MYO5A: variants seen among roughly 807,000 people sequenced by gnomAD.
The protein encoded by MYO5A is myosin VA, also known as unconventional myosin-Va.
Under a neutral mutation model 249.7 loss-of-function variants are expected in MYO5A, and 98 were observed. That is an observed-to-expected ratio of 0.39 (90% CI 0.33 to 0.46). MYO5A has a LOEUF of 0.46. Among genes scored for constraint, MYO5A ranks in the 20% least tolerant of loss-of-function variants. The pLI is 0.98. For missense variants in MYO5A, 1,696 were observed against 2,308.8 expected (o/e 0.73, Z 5.44); for synonymous variants, 778 against 810.6 (o/e 0.96, Z 0.68).
chr15:52,433,566 G>T (rs1166040890), intron 1 of MYO5A, among the ~76,000 whole-genome samples: 1 of 151,232 alleles, frequency 6.6e-6, no homozygotes, highest in African/African-American at 2.4e-5. Flanking sequence ...AATTACAGGC[G>T]CCTGCCACCA....
At chr15:52,326,562 G>A (rs1026280328) in intron 36 of MYO5A, among the ~76,000 whole-genome samples, 9 of 152,140 alleles carry the variant, frequency 5.9e-5, no homozygotes, top group African/African-American at 2.2e-4. Flanking sequence ...AGGGAGGAAT[G>A]GGGAGTTAGT....
At chr15:52,336,862 C>A (rs1596308915) in intron 33 of MYO5A, among the ~76,000 whole-genome samples, 1 of 152,262 alleles carries the variant, frequency 6.6e-6, no homozygotes, top group South Asian at 2.1e-4. Flanking sequence ...TATTGGTATT[C>A]CAGTAGAATG....
intron 3 of MYO5A, 132 bp from the exon 4 acceptor site, chr15:52,426,106 AT>A: frequency 2.4e-6 from 2 of 818,406 alleles, no homozygotes; most frequent in Non-Finnish European, 3.9e-6. Context: ...AAACCAATAA[AT>A]TGTTCAAGGA....
intron 29 of MYO5A, 23 bp from the exon 30 acceptor site, chr15:52,346,484 A>G: frequency 7.1e-7 from 1 of 1,410,798 alleles, no homozygotes; most frequent in Non-Finnish European, 1.0e-6. Flanking sequence ...TAACACATTT[A>G]CGCATTAAGA....
chr15:52,426,075 C>T (rs2075388343), intron 3 of MYO5A, 101 bp from the exon 4 acceptor site: 1 of 1,027,544 alleles, frequency 9.7e-7, no homozygotes, highest in Non-Finnish European at 1.5e-6. Context: ...CACAATCCTT[C>T]ATTTCAATTT....
At chr15:52,454,739 A>G (rs1436864870) in intron 1 of MYO5A, among the ~76,000 whole-genome samples, 1 of 152,156 alleles carries the variant, frequency 6.6e-6, no homozygotes, top group Non-Finnish European at 1.5e-5. Context: ...TCAATTTAAA[A>G]AATTAAGATG....
chr15:52,465,613 T>C (rs2076336935), intron 1 of MYO5A, among the ~76,000 whole-genome samples: 1 of 152,126 alleles, frequency 6.6e-6, no homozygotes, highest in Non-Finnish European at 1.5e-5. Context: ...GCTATGATCA[T>C]GCCACTGCAC....
In MYO5A at chr15:52,525,017, C is replaced by T. The variant is rs76775312; in HGVS notation, c.27+3763G>A. Among the ~76,000 whole-genome samples, 4 of 152,116 alleles carry T rather than the reference C, an allele frequency of 2.6e-5. No homozygotes were observed. The East Asian group carries it at 7.7e-4, about 29-fold the overall frequency. On this transcript the variant is annotated intron_variant, in intron 1 of 41. Transcript: ENST00000399233. ...ATTCATTATAATGTTCCCGATAATC[C>T]TTCTAGGTCTAATTGATAAACCCTA...
chr15:52,503,295 C>T (rs763325101), intron 1 of MYO5A, among the ~76,000 whole-genome samples: 2 of 152,032 alleles, frequency 1.3e-5, no homozygotes, highest in Middle Eastern at 3.4e-3. Context: ...TAACATTACC[C>T]GCAAAATATG....
chr15:52,402,592 C>A (rs772732786), intron 9 of MYO5A, among the ~76,000 whole-genome samples: 2 of 152,152 alleles, frequency 1.3e-5, no homozygotes, highest in Non-Finnish European at 2.9e-5. Context: ...TGCCTGTAAT[C>A]CCAGCACTTT....
chr15:52,404,068 G>C (rs1413514134), intron 9 of MYO5A, among the ~76,000 whole-genome samples: 2 of 151,956 alleles, frequency 1.3e-5, no homozygotes, highest in Non-Finnish European at 2.9e-5. Flanking sequence ...GAGTTCAAGA[G>C]CAGCCTGGCC....
chr15:52,372,284 A>T lies in MYO5A; in HGVS notation c.2657T>A (p.Met886Lys). 1 of 1,611,114 alleles carries T rather than the reference A, an allele frequency of 6.2e-7. No homozygotes were observed. The highest frequency in any genetic ancestry group is 2.2e-5 in the East Asian group (1 of 44,870). The change falls in exon 21 of 42, where the codon ATG becomes AAG. Residue 886 changes from methionine (M) to lysine (K), a missense_variant. Met to Lys is a moderately conservative substitution (Grantham distance 95, BLOSUM62 -1). Coordinates refer to ENST00000399233, the MANE Select transcript of MYO5A (RefSeq NM_001382347.1). ...GCACTGAAGGTAGATGATGGCATGC[A>T]TGCTCCTCTTGTAGTGTGTGCGGGC... The part of the protein sequence containing the change: ...WLARTHYKRS[M>K]HAIIYLQCCF...
chr15:52,478,487 T>G (rs1175911074), intron 1 of MYO5A, among the ~76,000 whole-genome samples: 1 of 152,154 alleles, frequency 6.6e-6, no homozygotes, highest in Non-Finnish European at 1.5e-5. Context: ...CAGAAATCAC[T>G]CGTCTTCTGC....
rs140866307 is a variant in MYO5A at position 52,484,544 on chromosome 15, T to C, written c.27+44236A>G. 4.7e-3 allele frequency among the ~76,000 whole-genome samples: 714 copies of C among 152,348 alleles called. 3 individuals carry two copies. Among genetic ancestry groups the C allele is most frequent in the African/African-American group, 0.017 (691 of 41,584 alleles). On this transcript the variant is annotated intron_variant, in intron 1 of 41. Transcript: ENST00000399233. ...CAAGTATTTCAAAGTGATCATTATA[T>C]GAAATGCCATATATGTTCCTGAATT...
At chr15:52,497,523 G>A (rs2077062489) in intron 1 of MYO5A, among the ~76,000 whole-genome samples, 1 of 150,976 alleles carries the variant, frequency 6.6e-6, no homozygotes, top group African/African-American at 2.4e-5. Flanking sequence ...TTGGAAGGCT[G>A]AGGCGGGCGG....
chr15:52,357,465 A>G (rs1032649771), intron 25 of MYO5A, among the ~76,000 whole-genome samples: 1 of 151,528 alleles, frequency 6.6e-6, no homozygotes, highest in African/African-American at 2.4e-5. Flanking sequence ...AAAAAAAAAA[A>G]AAAGAAAAAA....
Position 52,364,656 on chromosome 15 carries a change from G to C in MYO5A, c.3207C>G (p.Leu1069=), listed in dbSNP as rs183302379. 6.2e-7 allele frequency: 1 copy of C among 1,613,480 alleles called. No individual in the cohort carries two copies. The highest frequency in any genetic ancestry group is 8.5e-7 in the Non-Finnish European group (1 of 1,179,792). Residue 1069 remains leucine (L), a synonymous_variant, in exon 24 of 42, where the codon CTC becomes CTG. Coordinates refer to ENST00000399233, the MANE Select transcript of MYO5A (RefSeq NM_001382347.1). ...ATCTCAGCCTTTCATCATTAAGGTC[G>C]AGTTCCAGTTGTTTCGTTTCTTCTA... The part of the protein sequence containing the change: ...KLVEETKQLE[L]DLNDERLRYQ...
At chr15:52,337,934 G>T in intron 32 of MYO5A, 50 bp from the exon 33 acceptor site, 1 of 1,260,986 alleles carries the variant, frequency 7.9e-7, no homozygotes, top group Admixed American at 2.4e-5. Flanking sequence ...GTGTTTGAGG[G>T]AAATGCTATC....
intron 3 of MYO5A, among the ~76,000 whole-genome samples, chr15:52,426,600 C>G (rs149197707): frequency 1.6e-4 from 24 of 152,206 alleles, no homozygotes; most frequent in Non-Finnish European, 2.6e-4. Context: ...GTAGCTGGGA[C>G]TATGGACACG....
Sources: allele counts gnomAD v4.1 joint callset (sites outside exome capture counted in the v4.1 genomes callset), GRCh38; gene constraint gnomAD v4.1.1; transcripts MANE v1.5; gene names NCBI Gene and HGNC (gene_info 2026-07-23, HGNC 2026-07-21).